The following GALNTL6 variants were observed in gnomAD, a reference collection of about 807,000 sequenced individuals.
GALNTL6 encodes the protein polypeptide N-acetylgalactosaminyltransferase-like 6.
Under a neutral mutation model 73.7 loss-of-function variants are expected in GALNTL6, and 46 were observed. That is an observed-to-expected ratio of 0.62 (90% CI 0.49 to 0.80). The LOEUF is 0.80. Ranked by LOEUF, GALNTL6 falls within the 30% of genes least tolerant of loss-of-function variation. GALNTL6 has a pLI of 0.00. For missense variants in GALNTL6, 604 were observed against 755.0 expected (o/e 0.80, Z 2.34); for synonymous variants, 259 against 263.7 (o/e 0.98, Z 0.17).
intron 5 of GALNTL6, among the ~76,000 whole-genome samples, chr4:172,457,328 C>T (rs377651709): frequency 6.6e-6 from 1 of 152,042 alleles, no homozygotes; most frequent in Non-Finnish European, 1.5e-5. Context: ...AACCAACTAG[C>T]ATCATAATGA....
chr4:171,893,545 G>A (rs564175066), intron 2 of GALNTL6, among the ~76,000 whole-genome samples: 10 of 152,178 alleles, frequency 6.6e-5, no homozygotes, highest in Admixed American at 3.9e-4. Context: ...CATAGATGTA[G>A]AAAATAGAAA....
At chr4:172,935,361 A>G (rs553594774) in intron 9 of GALNTL6, among the ~76,000 whole-genome samples, 2 of 152,304 alleles carry the variant, frequency 1.3e-5, no homozygotes, top group African/African-American at 4.8e-5. Flanking sequence ...CTAATATCAA[A>G]ATTAAAATAA....
At chr4:172,852,391 GAC>G (rs1743874216) in intron 7 of GALNTL6, among the ~76,000 whole-genome samples, 1 of 152,052 alleles carries the variant, frequency 6.6e-6, no homozygotes, top group Non-Finnish European at 1.5e-5. Flanking sequence ...AGCAGGCCAA[GAC>G]TTGGAAATAC....
At chr4:172,614,024 C>G (rs1306684440) in intron 5 of GALNTL6, among the ~76,000 whole-genome samples, 1 of 152,052 alleles carries the variant, frequency 6.6e-6, no homozygotes, top group East Asian at 1.9e-4. Flanking sequence ...CTGGGGAAAC[C>G]TAGATGGCCT....
At chr4:172,150,286 T>C (rs551264067) in intron 2 of GALNTL6, among the ~76,000 whole-genome samples, 2 of 152,364 alleles carry the variant, frequency 1.3e-5, no homozygotes, top group South Asian at 4.1e-4. Context: ...ATTGTAGTTA[T>C]GTGTGGTTAA....
intron 2 of GALNTL6, among the ~76,000 whole-genome samples, chr4:171,892,893 A>G (rs145936234): frequency 1.5e-3 from 236 of 152,310 alleles, no homozygotes; most frequent in African/African-American, 5.4e-3. Context: ...TTTTCTATCA[A>G]GCACTTTTAA....
At chr4:172,741,752 A>G (rs1736818922) in intron 5 of GALNTL6, among the ~76,000 whole-genome samples, 2 of 152,002 alleles carry the variant, frequency 1.3e-5, no homozygotes, top group Admixed American at 1.3e-4. Context: ...TGCTACATAT[A>G]TTTAAACTTA....
Position 172,444,929 on chromosome 4 carries a change from C to T in GALNTL6, c.553+96240C>T, listed in dbSNP as rs530051244. 7.2e-5 allele frequency among the ~76,000 whole-genome samples: 11 copies of T among 152,214 alleles called. No individual in the cohort carries two copies. In the East Asian group the frequency reaches 1.2e-3, roughly 16 times the overall value. Reference sequence around the variant, plus strand: ...CCTTGGTCCCAAGCCAGGATATTCTCGATGTCCTAGAGTCTGAACTCAAGG... The same window carrying T: ...CCTTGGTCCCAAGCCAGGATATTCTTGATGTCCTAGAGTCTGAACTCAAGG... On this transcript the variant is annotated intron_variant, in intron 5 of 12. Transcript: ENST00000506823.
At chr4:172,664,573 G>A (rs1308339455) in intron 5 of GALNTL6, among the ~76,000 whole-genome samples, 1 of 152,124 alleles carries the variant, frequency 6.6e-6, no homozygotes, top group African/African-American at 2.4e-5. Context: ...TAGGCACCAC[G>A]CCTTTACTAG....
intron 2 of GALNTL6, among the ~76,000 whole-genome samples, chr4:172,004,824 A>AT (rs1740784714): frequency 6.6e-6 from 1 of 151,852 alleles, no homozygotes; most frequent in African/African-American, 2.4e-5. Flanking sequence ...TCTCTTTCTA[A>AT]TCCCCCAATT....
In GALNTL6 at chr4:172,926,709, T is replaced by G. The variant is rs1228682601; in HGVS notation, c.1042-4452T>G. 2.0e-5 allele frequency among the ~76,000 whole-genome samples: 3 copies of G among 152,206 alleles called. No homozygotes were observed. In the South Asian group the frequency reaches 6.2e-4, roughly 32 times the overall value. On this transcript the variant is annotated intron_variant, in intron 8 of 12. Transcript: ENST00000506823. ...TAAGAAAGTTTCTTTGCCTTGACATTTGCTTATCTTTGACCAATAAGCACT... is the reference window on the plus strand; with the variant it reads ...TAAGAAAGTTTCTTTGCCTTGACATGTGCTTATCTTTGACCAATAAGCACT...
intron 12 of GALNTL6, among the ~76,000 whole-genome samples, chr4:173,031,019 A>AGAAT (rs916910333): frequency 4.0e-5 from 6 of 151,256 alleles, no homozygotes; most frequent in African/African-American, 1.5e-4. Flanking sequence ...AAGAAAAGAG[A>AGAAT]GAGAGAGAGA....
intron 2 of GALNTL6, among the ~76,000 whole-genome samples, chr4:171,840,714 C>T (rs1333192534): frequency 5.9e-5 from 9 of 152,110 alleles, no homozygotes; most frequent in African/African-American, 1.9e-4. Context: ...AATAGAGTTT[C>T]GTGTAACAAT....
At chr4:172,649,072 T>C (rs563029921) in intron 5 of GALNTL6, among the ~76,000 whole-genome samples, 1 of 152,322 alleles carries the variant, frequency 6.6e-6, no homozygotes, top group Admixed American at 6.5e-5. Flanking sequence ...AAACTAAGTT[T>C]ATTTTTACCC....
At chr4:172,339,706 A>G (rs985357024) in intron 4 of GALNTL6, among the ~76,000 whole-genome samples, 5 of 152,214 alleles carry the variant, frequency 3.3e-5, no homozygotes, top group African/African-American at 1.2e-4. Flanking sequence ...GGAGAAACAA[A>G]GGGCTCTCCC....
At chr4:172,592,670 GTCTATCTATCTATCTA>G (rs5864141) in intron 5 of GALNTL6, among the ~76,000 whole-genome samples, 3 of 141,976 alleles carry the variant, frequency 2.1e-5, no homozygotes, top group Non-Finnish European at 4.6e-5. Context: ...CTGTCTGTCT[GTCTATCTATCTATCTA>G]TCTATCTATC....
At chr4:172,701,289 A>G (rs1237301565) in intron 5 of GALNTL6, among the ~76,000 whole-genome samples, 1 of 152,168 alleles carries the variant, frequency 6.6e-6, no homozygotes, top group African/African-American at 2.4e-5. Flanking sequence ...GTCATTAATC[A>G]TGCAGAAAAG....
intron 2 of GALNTL6, among the ~76,000 whole-genome samples, chr4:171,986,100 A>G (rs1456505771): frequency 6.6e-6 from 1 of 150,856 alleles, no homozygotes; most frequent in African/African-American, 2.4e-5. Context: ...GGCACATATG[A>G]TAGTTTCACT....
At chr4:171,971,045 T>G (rs1010629506) in intron 2 of GALNTL6, among the ~76,000 whole-genome samples, 2 of 152,202 alleles carry the variant, frequency 1.3e-5, no homozygotes, top group African/African-American at 4.8e-5. Flanking sequence ...AGCTCCTGCA[T>G]GGAGGAGATG....
Sources: allele counts gnomAD v4.1 joint callset (sites outside exome capture counted in the v4.1 genomes callset), GRCh38; gene constraint gnomAD v4.1.1; transcripts MANE v1.5; gene names NCBI Gene and HGNC (gene_info 2026-07-23, HGNC 2026-07-21).